The following CLVS1 variants were observed in gnomAD, a reference collection of about 807,000 sequenced individuals.
CLVS1 encodes the protein clavesin 1, also known as clavesin-1.
A neutral mutation model predicts 33.1 loss-of-function variants in CLVS1; 10 were observed. The observed-to-expected ratio is 0.30, with a 90% CI of 0.19 to 0.51. The LOEUF (loss-of-function observed/expected upper bound fraction) is 0.51, where lower values mean the gene tolerates loss of function less well. CLVS1 is among the 20% of genes least tolerant of loss of function. The pLI is 0.97. For synonymous variants in CLVS1, 163 were observed against 166.1 expected (o/e 0.98, Z 0.14); for missense variants, 343 against 433.4 (o/e 0.79, Z 1.85).
At chr8:61,327,460 T>C (rs1811426132) in intron 2 of CLVS1, among the ~76,000 whole-genome samples, 1 of 152,126 alleles carries the variant, frequency 6.6e-6, no homozygotes, top group South Asian at 2.1e-4. Context: ...TCTAAATAGG[T>C]GCTTTAAAGG....
At chr8:60,986,592 C>T in the CLVS1 span, among the ~76,000 whole-genome samples, 5 of 152,380 alleles carry the variant, frequency 3.3e-5, no homozygotes, top group African/African-American at 1.2e-4. Flanking sequence ...TGAGCCAACT[C>T]TGGAACTGCG....
At chr8:61,361,410 T>C (rs1812974022) in intron 2 of CLVS1, among the ~76,000 whole-genome samples, 2 of 152,340 alleles carry the variant, frequency 1.3e-5, no homozygotes, top group East Asian at 1.9e-4. Flanking sequence ...TTTCATTTTG[T>C]CCACATAATC....
chr8:60,988,941 C>A, the CLVS1 span, among the ~76,000 whole-genome samples: 1 of 151,286 alleles, frequency 6.6e-6, no homozygotes, highest in Admixed American at 6.6e-5. Context: ...CAAAGTTCAC[C>A]ACAGCCTTGA....
At chr8:61,489,392 C>T (rs1043125075) in intron 5 of CLVS1, among the ~76,000 whole-genome samples, 1 of 152,146 alleles carries the variant, frequency 6.6e-6, no homozygotes, top group African/African-American at 2.4e-5. Flanking sequence ...TCTGGGTTCC[C>T]GTTCTAGTTC....
Position 61,202,877 on chromosome 8 carries a change from A to G in CLVS1, c.-152+71017A>G, listed in dbSNP as rs1049254889. ...GAAGAAGATGATGATGATGAAGATG[A>G]TGATGATGATTTTAATGAGGAAGCT... On this transcript the variant is annotated intron_variant, in intron 2 of 2. Coordinates refer to the CLVS1 transcript ENST00000522621. 61 of 896,278 alleles carry G rather than the reference A, an allele frequency of 6.8e-5. No homozygotes were observed. The African/African-American group carries it at 1.2e-3, about 18-fold the overall frequency. The allele number at this position is 896,278 out of a possible 1,614,324, so 55.5% of individuals were successfully genotyped here. A position where few individuals can be genotyped will look rare whatever the true frequency, so the allele number is the denominator to read the frequency against.
chr8:61,069,763 T>A (rs1563391325), intron 1 of CLVS1, among the ~76,000 whole-genome samples: 1 of 152,128 alleles, frequency 6.6e-6, no homozygotes, highest in Admixed American at 6.5e-5. Flanking sequence ...TCTTGAGGCT[T>A]TCCTTTTTTT....
At chr8:61,093,111 A>G (rs1480070714) in intron 1 of CLVS1, among the ~76,000 whole-genome samples, 1 of 152,124 alleles carries the variant, frequency 6.6e-6, no homozygotes, top group East Asian at 1.9e-4. Flanking sequence ...AAAGCTTGTT[A>G]TTAGGTGGTA....
intron 3 of CLVS1, among the ~76,000 whole-genome samples, chr8:61,447,749 C>A (rs1056988402): frequency 6.6e-6 from 1 of 151,974 alleles, no homozygotes; most frequent in African/African-American, 2.4e-5. Context: ...ATTTTTACTT[C>A]AACTATCAAA....
intron 3 of CLVS1, among the ~76,000 whole-genome samples, chr8:61,381,988 G>A (rs966080402): frequency 2.0e-5 from 3 of 152,104 alleles, no homozygotes; most frequent in Non-Finnish European, 2.9e-5. Context: ...TGGTAATTCT[G>A]TTTTTAGCTC....
chr8:61,010,019 C>T, the CLVS1 span, among the ~76,000 whole-genome samples: 1 of 152,156 alleles, frequency 6.6e-6, no homozygotes, highest in African/African-American at 2.4e-5. Context: ...CTCCCTTGAC[C>T]ACAGGAGCTG....
intron 5 of CLVS1, among the ~76,000 whole-genome samples, chr8:61,482,198 C>T (rs1160560651): frequency 6.6e-6 from 1 of 152,174 alleles, no homozygotes; most frequent in African/African-American, 2.4e-5. Context: ...CCCATCTGTA[C>T]GTCACCAACA....
At chr8:61,180,401 A>T (rs1014984968) in intron 2 of CLVS1, among the ~76,000 whole-genome samples, 1 of 152,210 alleles carries the variant, frequency 6.6e-6, no homozygotes, top group Non-Finnish European at 1.5e-5. Context: ...GCCAAACTCT[A>T]CTGGAGATAC....
intron 2 of CLVS1, among the ~76,000 whole-genome samples, chr8:61,211,564 G>A (rs1697593646): frequency 6.6e-6 from 1 of 152,192 alleles, no homozygotes; most frequent in East Asian, 1.9e-4. Context: ...AAGTCTTTGA[G>A]CTTAACTTCT....
Position 61,275,225 on chromosome 8 carries a change from CT to C in CLVS1, c.-151-24451del, listed in dbSNP as rs905089791. Among the ~76,000 whole-genome samples, 10 of 152,066 alleles carry C rather than the reference CT, an allele frequency of 6.6e-5. 1 individual carries two copies. Among genetic ancestry groups the C allele is most frequent in the Admixed American group, 6.6e-4 (10 of 15,262 alleles). On this transcript the variant is annotated intron_variant, in intron 2 of 2. Transcript: ENST00000522621. ...TTTGAATTTCTTTAAGAAATACAAA[CT>C]GATCTTCAGTCTACCACATGCCCCA...
chr8:61,287,331 T>C (rs1809807396), upstream of CLVS1, among the ~76,000 whole-genome samples: 1 of 152,196 alleles, frequency 6.6e-6, no homozygotes, highest in African/African-American at 2.4e-5. Flanking sequence ...ATTCCTCCTT[T>C]TTTTCTAAAA....
At chr8:61,396,909 A>G (rs569141920) in intron 3 of CLVS1, among the ~76,000 whole-genome samples, 8 of 152,286 alleles carry the variant, frequency 5.3e-5, no homozygotes, top group Non-Finnish European at 8.8e-5. Context: ...TTGCATATCT[A>G]TACCAAACTT....
chr8:61,254,796 C>T (rs950481007), intron 2 of CLVS1, among the ~76,000 whole-genome samples: 7 of 152,236 alleles, frequency 4.6e-5, no homozygotes, highest in Non-Finnish European at 7.4e-5. Context: ...GGGACTGACC[C>T]GATTTTCCAG....
At chr8:61,069,124 G>A (rs1388719543) in intron 1 of CLVS1, among the ~76,000 whole-genome samples, 1 of 152,132 alleles carries the variant, frequency 6.6e-6, no homozygotes, top group Non-Finnish European at 1.5e-5. Flanking sequence ...GCACCATCAT[G>A]CTTGGCTAAT....
chr8:61,044,013 G>A, the CLVS1 span, among the ~76,000 whole-genome samples: 1 of 152,192 alleles, frequency 6.6e-6, no homozygotes, highest in Non-Finnish European at 1.5e-5. Context: ...TTTGAAGGCA[G>A]TATATTCTGT....
Sources: allele counts gnomAD v4.1 joint callset (sites outside exome capture counted in the v4.1 genomes callset), GRCh38; gene constraint gnomAD v4.1.1; transcripts MANE v1.5; gene names NCBI Gene and HGNC (gene_info 2026-07-23, HGNC 2026-07-21).